The following ZNF571 variants were observed in gnomAD, a reference collection of about 807,000 sequenced individuals.
ZNF571 encodes the protein zinc finger protein 571.
A neutral mutation model predicts 7.7 loss-of-function variants in ZNF571; 4 were observed. That is an observed-to-expected ratio of 0.52 (90% CI 0.25 to 1.18). ZNF571 has a LOEUF of 1.18. ZNF571 is among the 50% of genes most tolerant of loss of function. The probability of loss-of-function intolerance (pLI) is 0.14; values close to 1 mark genes in which losing one functional copy is unlikely to be tolerated. For synonymous variants in ZNF571, 251 were observed against 232.4 expected (o/e 1.08, Z -0.73); for missense variants, 704 against 726.9 (o/e 0.97, Z 0.36).
chr19:37,582,847 A>G (rs1229907892), intron 3 of ZNF571, among the ~76,000 whole-genome samples: 1 of 152,194 alleles, frequency 6.6e-6, no homozygotes, highest in African/African-American at 2.4e-5. Flanking sequence ...TAGTCCTCTC[A>G]TTAGTCTTCC....
chr19:37,574,084 T>G (rs2043161305), intron 3 of ZNF571, among the ~76,000 whole-genome samples: 1 of 152,184 alleles, frequency 6.6e-6, no homozygotes, highest in African/African-American at 2.4e-5. Flanking sequence ...CCATTATTCG[T>G]ACCCTGAATG....
At chr19:37,566,666 T>C (rs1471646155) in intron 3 of ZNF571, among the ~76,000 whole-genome samples, 2 of 152,106 alleles carry the variant, frequency 1.3e-5, no homozygotes, top group Non-Finnish European at 2.9e-5. Context: ...TCTGACCACC[T>C]CTACTACCAC....
chr19:37,575,248 C>T (rs899877164), intron 3 of ZNF571, among the ~76,000 whole-genome samples: 1 of 152,100 alleles, frequency 6.6e-6, no homozygotes, highest in African/African-American at 2.4e-5. Context: ...TAATAATGTA[C>T]TAGTACTATT....
intron 1 of ZNF571, 147 bp from the exon 2 acceptor site, chr19:37,586,892 A>T: frequency 1.7e-6 from 1 of 594,858 alleles, no homozygotes; most frequent in Non-Finnish European, 3.0e-6. Flanking sequence ...GCTACTGCAG[A>T]AGGGGTTCAG....
intron 2 of ZNF571, 40 bp from the exon 3 acceptor site, chr19:37,584,137 T>C (rs772217183): frequency 1.2e-6 from 2 of 1,612,680 alleles, no homozygotes; most frequent in Admixed American, 3.3e-5. Context: ...TCTACAGGAA[T>C]GATTCTGAAG....
intron 3 of ZNF571, 53 bp downstream of exon 3, chr19:37,583,918 T>C (rs981347576): frequency 6.5e-7 from 1 of 1,530,164 alleles, no homozygotes; most frequent in Non-Finnish European, 8.8e-7. Context: ...TCACAATGAA[T>C]GAGGCAGAAA....
intron 1 of ZNF571, among the ~76,000 whole-genome samples, chr19:37,592,747 TCTAA>T (rs1165314377): frequency 6.6e-6 from 1 of 152,204 alleles, no homozygotes; most frequent in East Asian, 1.9e-4. Flanking sequence ...AACCTCTAGA[TCTAA>T]CTGCCTGTTT....
At chr19:37,571,281 G>A (rs1172929607) in intron 3 of ZNF571, among the ~76,000 whole-genome samples, 3 of 152,074 alleles carry the variant, frequency 2.0e-5, no homozygotes, top group African/African-American at 7.2e-5. Flanking sequence ...GATCACCTCA[G>A]GTCGGGAGTT....
intron 1 of ZNF571, among the ~76,000 whole-genome samples, chr19:37,593,242 CG>C (rs1248372382): frequency 2.6e-5 from 4 of 151,626 alleles, no homozygotes; most frequent in Middle Eastern, 3.4e-3. Flanking sequence ...TAGGAAAAAA[CG>C]GGGAAGGATT....
chr19:37,582,950 C>T (rs1036576201), intron 3 of ZNF571, among the ~76,000 whole-genome samples: 1 of 152,164 alleles, frequency 6.6e-6, no homozygotes, highest in Non-Finnish European at 1.5e-5. Flanking sequence ...CCAGGGGCTC[C>T]CTATCACACT....
In ZNF571 at chr19:37,583,963, G is replaced by A; in HGVS notation, c.136+8C>T. ...ACAAATTCTGAATATTACGTAGGAT[G>A]ATCTTACCCAATGAGATCAGGTTGC... On this transcript the variant is annotated splice_region_variant and intron_variant, in intron 3 of 3. Transcript: ENST00000451802. The A allele has an allele frequency of 2.5e-6, 4 of 1,594,832 alleles. No individual in the cohort carries two copies. The highest frequency in any genetic ancestry group is 3.4e-6 in the Non-Finnish European group (4 of 1,170,334).
At chr19:37,588,343 A>G (rs940738490) in intron 1 of ZNF571, among the ~76,000 whole-genome samples, 4 of 152,198 alleles carry the variant, frequency 2.6e-5, no homozygotes, top group Non-Finnish European at 5.9e-5. Flanking sequence ...AGAGATTTCA[A>G]AATACCACTC....
chr19:37,565,083 AT>A lies in ZNF571; in HGVS notation c.1344del (p.Glu448AspfsTer102). 9 of 1,613,336 alleles carry A rather than the reference AT, an allele frequency of 5.6e-6. No homozygotes were observed. Among genetic ancestry groups the A allele is most frequent in the Non-Finnish European group, 7.6e-6 (9 of 1,179,436 alleles). On this transcript the variant is annotated frameshift_variant, in exon 4 of 4. Transcript: ENST00000451802. LOFTEE classifies it low-confidence loss of function (END_TRUNC). ...ATAAAGGCCTTTCCACATTCCTTACATTCAAAGGGTTTCTCACCTGTATGAA... is the reference window on the plus strand; with the variant it reads ...ATAAAGGCCTTTCCACATTCCTTACATCAAAGGGTTTCTCACCTGTATGAA... ...QRIHTGEKPF[E>X]CKECGKAFIR... is the part of the protein sequence containing the mutation.
rs557893678 is a variant in ZNF571, at chr19:37,581,087, C to A, written c.136+2884G>T. Among the ~76,000 whole-genome samples, 78 of 152,156 alleles carry A rather than the reference C, an allele frequency of 5.1e-4. No homozygotes were observed. In the Middle Eastern group the frequency reaches 0.01, roughly 20 times the overall value. On this transcript the variant is annotated intron_variant, in intron 3 of 3. Transcript: ENST00000451802. ...TTGAAATATGCCTATTCTTAAAATC[C>A]ATCACCAAAGAACACTGAAGCCTTA...
Position 37,565,527 on chromosome 19 carries a change from G to A in ZNF571, c.901C>T (p.His301Tyr). 1 of 1,613,712 alleles carries A rather than the reference G, an allele frequency of 6.2e-7. No individual in the cohort carries two copies. The highest frequency in any genetic ancestry group is 8.5e-7 in the Non-Finnish European group (1 of 1,179,868). ...GSQLTYHQRI[H>Y]SGEKPYECKE... Reference sequence around the variant, plus strand: ...CACTCATAAGGTTTCTCACCACTATGAATTCTCTGATGGTAAGTAAGTTGA... The same window carrying A: ...CACTCATAAGGTTTCTCACCACTATAAATTCTCTGATGGTAAGTAAGTTGA... Residue 301 changes from histidine to tyrosine, a missense_variant, in exon 4 of 4, where the codon CAT becomes TAT. His to Tyr is a moderately conservative substitution (Grantham distance 83, BLOSUM62 2). Transcript: ENST00000451802.
rs2043686810 is a variant in ZNF571, at chr19:37,586,717, G to A, written c.-41C>T. ...ATCAATTTTCTGGGTTCTTCTCCTG[G>A]AGGTGTGCAAAGTCCAGAGAAGCCA... On this transcript the variant is annotated 5_prime_UTR_variant, in exon 2 of 4. Transcript: ENST00000451802. 1.2e-6 allele frequency: 2 copies of A among 1,613,594 alleles called. No individual in the cohort carries two copies. Among genetic ancestry groups the A allele is most frequent in the East Asian group, 2.2e-5 (1 of 44,852 alleles).
At chr19:37,593,115 CTTAT>C (rs1328093311) in intron 1 of ZNF571, among the ~76,000 whole-genome samples, 1 of 151,272 alleles carries the variant, frequency 6.6e-6, no homozygotes, top group Non-Finnish European at 1.5e-5. Context: ...TTGTTTTAAA[CTTAT>C]TGTTAGTTTT....
chr19:37,590,279 T>A (rs2043829000), intron 1 of ZNF571, among the ~76,000 whole-genome samples: 1 of 151,876 alleles, frequency 6.6e-6, no homozygotes, highest in African/African-American at 2.4e-5. Flanking sequence ...TAGCTGGGCG[T>A]GGTGGTGGGC....
intron 3 of ZNF571, among the ~76,000 whole-genome samples, chr19:37,568,600 T>G (rs1476937612): frequency 1.3e-5 from 2 of 152,138 alleles, no homozygotes; most frequent in Non-Finnish European, 2.9e-5. Context: ...GGAGGCACTA[T>G]GAGAACACAG....
Sources: allele counts gnomAD v4.1 joint callset (sites outside exome capture counted in the v4.1 genomes callset), GRCh38; gene constraint gnomAD v4.1.1; transcripts MANE v1.5; gene names NCBI Gene and HGNC (gene_info 2026-07-23, HGNC 2026-07-21).